The following NALF1 variants were observed in gnomAD, a reference collection of about 807,000 sequenced individuals.
NALF1 encodes NALCN channel auxiliary factor 1, also known as family with sequence similarity 155 member A.
A neutral mutation model predicts 48.4 loss-of-function variants in NALF1; 3 were observed. The observed-to-expected ratio is 0.06, with a 90% CI of 0.03 to 0.16. NALF1 has a LOEUF of 0.16. Ranked by LOEUF, NALF1 falls within the 10% of genes least tolerant of loss-of-function variation. The pLI, the probability that NALF1 is intolerant of heterozygous loss-of-function variation, is 1.00. For synonymous variants in NALF1, 262 were observed against 245.7 expected (o/e 1.07, Z -0.62); for missense variants, 526 against 571.5 (o/e 0.92, Z 0.81).
At chr13:107,635,870 A>C (rs1282726978) in intron 1 of NALF1, among the ~76,000 whole-genome samples, 1 of 152,142 alleles carries the variant, frequency 6.6e-6, no homozygotes, top group Non-Finnish European at 1.5e-5. Flanking sequence ...CCAAATTTGC[A>C]AGTATAATTT....
intron 1 of NALF1, among the ~76,000 whole-genome samples, chr13:107,273,851 C>T (rs1881224142): frequency 6.6e-6 from 1 of 152,086 alleles, no homozygotes; most frequent in African/African-American, 2.4e-5. Flanking sequence ...TTCCAACCTC[C>T]CAGGGTCCCA....
At chr13:107,536,882 T>C (rs1594116617) in intron 1 of NALF1, among the ~76,000 whole-genome samples, 1 of 152,108 alleles carries the variant, frequency 6.6e-6, no homozygotes, top group South Asian at 2.1e-4. Context: ...ATATACACCA[T>C]GGAATACTAT....
At chr13:107,526,020 T>G (rs1876423239) in intron 1 of NALF1, among the ~76,000 whole-genome samples, 1 of 152,136 alleles carries the variant, frequency 6.6e-6, no homozygotes, top group Non-Finnish European at 1.5e-5. Context: ...TTAAGTGATT[T>G]TATAATATTA....
At chr13:107,382,513 A>C (rs891344043) in intron 1 of NALF1, among the ~76,000 whole-genome samples, 6 of 152,252 alleles carry the variant, frequency 3.9e-5, no homozygotes, top group African/African-American at 1.4e-4. Context: ...TTAACATTTT[A>C]CATAACTGTA....
At chr13:107,220,016 G>T (rs1321699797) in intron 1 of NALF1, among the ~76,000 whole-genome samples, 1 of 152,176 alleles carries the variant, frequency 6.6e-6, no homozygotes, top group Non-Finnish European at 1.5e-5. Flanking sequence ...GGTCACTTGT[G>T]TACCAAGAGT....
chr13:107,475,012 G>C (rs1885156936), intron 1 of NALF1, among the ~76,000 whole-genome samples: 1 of 152,090 alleles, frequency 6.6e-6, no homozygotes, highest in African/African-American at 2.4e-5. Context: ...TAAGTGTCAA[G>C]TGGCCAGCAG....
At chr13:107,746,655 A>G (rs1173676074) in intron 1 of NALF1, among the ~76,000 whole-genome samples, 1 of 152,180 alleles carries the variant, frequency 6.6e-6, no homozygotes, top group Non-Finnish European at 1.5e-5. Context: ...GAGATGCACT[A>G]AATGTAGAAG....
intron 1 of NALF1, among the ~76,000 whole-genome samples, chr13:107,455,588 G>T (rs891669656): frequency 6.6e-6 from 1 of 152,098 alleles, no homozygotes; most frequent in African/African-American, 2.4e-5. Flanking sequence ...TCTCAGTGGT[G>T]TACAGTATAT....
chr13:107,624,167 A>T (rs1879605128), intron 1 of NALF1, among the ~76,000 whole-genome samples: 1 of 152,278 alleles, frequency 6.6e-6, no homozygotes, highest in Admixed American at 6.5e-5. Context: ...AGAAATGTTA[A>T]TGAATTATCC....
chr13:107,534,318 T>C (rs755337659), intron 1 of NALF1, among the ~76,000 whole-genome samples: 20 of 152,164 alleles, frequency 1.3e-4, no homozygotes, highest in Non-Finnish European at 1.8e-4. Flanking sequence ...TGCTAAAATA[T>C]GTTTATATTT....
At chr13:107,550,097 C>T (rs778740316) in intron 1 of NALF1, among the ~76,000 whole-genome samples, 1 of 152,110 alleles carries the variant, frequency 6.6e-6, no homozygotes, top group Non-Finnish European at 1.5e-5. Context: ...GCATTGAAAC[C>T]ATCACATCCT....
intron 1 of NALF1, among the ~76,000 whole-genome samples, chr13:107,385,684 C>T (rs984994476): frequency 2.0e-5 from 3 of 151,814 alleles, no homozygotes; most frequent in East Asian, 1.9e-4. Context: ...ACAAGGTATG[C>T]GGCTATTTGA....
chr13:107,546,562 A>C (rs1877141108), intron 1 of NALF1, among the ~76,000 whole-genome samples: 1 of 152,108 alleles, frequency 6.6e-6, no homozygotes, highest in South Asian at 2.1e-4. Context: ...GCTCGAGCTA[A>C]AACCTGAACC....
chr13:107,235,905 T>C (rs1293162069), intron 1 of NALF1, among the ~76,000 whole-genome samples: 3 of 152,262 alleles, frequency 2.0e-5, no homozygotes, highest in African/African-American at 7.2e-5. Context: ...ATTGTGTTTC[T>C]ACTATCATCT....
chr13:107,514,090 G>C (rs575370409), intron 1 of NALF1, among the ~76,000 whole-genome samples: 2 of 152,218 alleles, frequency 1.3e-5, no homozygotes, highest in Admixed American at 1.3e-4. Context: ...TCTTATCATT[G>C]CCATAAAAAT....
At position 107,641,788 on chromosome 13, in the gene NALF1, G is replaced by A. The variant is rs570301882; in HGVS notation, c.915+223894C>T. 2.6e-5 allele frequency among the ~76,000 whole-genome samples: 4 copies of A among 152,262 alleles called. No homozygotes were observed. The East Asian group carries it at 7.7e-4, about 29-fold the overall frequency. ...GTGGCTGGGGGCCAACTCAGCAGGAGCAAGCGAGATCAAGAATCTAGGGGG... is the reference window on the plus strand; with the variant it reads ...GTGGCTGGGGGCCAACTCAGCAGGAACAAGCGAGATCAAGAATCTAGGGGG... On this transcript the variant is annotated intron_variant, in intron 1 of 2. Coordinates refer to ENST00000375915, the MANE Select transcript of NALF1 (RefSeq NM_001080396.3).
At position 107,362,640 on chromosome 13, in the gene NALF1, G is replaced by T. The variant is rs1883084725; in HGVS notation, c.916-151885C>A. Among the ~76,000 whole-genome samples, 1 of 152,074 alleles carries T rather than the reference G, an allele frequency of 6.6e-6. No individual in the cohort carries two copies. Among genetic ancestry groups the T allele is most frequent in the Non-Finnish European group, 1.5e-5 (1 of 68,020 alleles). ...TGTGAAGGCCTTATTTCCAAATAAG[G>T]TCACATTAACAGATTCTGGGAGTTA... On this transcript the variant is annotated intron_variant, in intron 1 of 2. Transcript: ENST00000375915. This position sits in a 1 kb window ranked among gnomAD's most constrained non-coding sequence, Gnocchi z 4.6.
chr13:107,660,854 G>C (rs753071987), intron 1 of NALF1, among the ~76,000 whole-genome samples: 14 of 152,034 alleles, frequency 9.2e-5, no homozygotes, highest in Admixed American at 4.6e-4. Context: ...TGACTCTAGG[G>C]GAGGCTGTGC....
At chr13:107,819,370 G>A (rs139722301) in intron 1 of NALF1, among the ~76,000 whole-genome samples, 69 of 152,198 alleles carry the variant, frequency 4.5e-4, no homozygotes, top group African/African-American at 1.5e-3. Context: ...GTTCTAATTC[G>A]TCAGATTCTG....
Sources: allele counts gnomAD v4.1 joint callset (sites outside exome capture counted in the v4.1 genomes callset), GRCh38; gene constraint gnomAD v4.1.1; non-coding constraint Gnocchi (gnomAD v3.1); transcripts MANE v1.5; gene names NCBI Gene and HGNC (gene_info 2026-07-23, HGNC 2026-07-21).